Variants in SGCZ observed in about 807,000 individuals in gnomAD.
SGCZ encodes the protein sarcoglycan zeta, also known as zeta-sarcoglycan.
In SGCZ, 40 loss-of-function variants were observed where a neutral mutation model predicts 41.3. The ratio of observed to expected loss-of-function variants is 0.97; its 90% CI spans 0.75 to 1.26. The LOEUF is 1.26. SGCZ is among the 50% of genes most tolerant of loss of function. SGCZ has a pLI of 0.00. For missense variants in SGCZ, 552 were observed against 369.8 expected, an observed-to-expected ratio of 1.49 and a Z score of -4.04; for synonymous variants, 206 against 137.5, an observed-to-expected ratio of 1.50 and a Z score of -3.49.
At chr8:15,115,861 G>T (rs1026961743) in intron 1 of SGCZ, among the ~76,000 whole-genome samples, 7 of 152,152 alleles carry the variant, frequency 4.6e-5, no homozygotes, top group Non-Finnish European at 8.8e-5. Flanking sequence ...GAAAAATATT[G>T]AAAATAATAA....
chr8:15,137,748 G>A (rs187696736), intron 1 of SGCZ, among the ~76,000 whole-genome samples: 5 of 152,206 alleles, frequency 3.3e-5, no homozygotes, highest in Admixed American at 3.3e-4. Context: ...AGGACATATA[G>A]ACATGTATGA....
At chr8:14,429,113 G>T (rs943393076) in intron 2 of SGCZ, among the ~76,000 whole-genome samples, 2 of 152,206 alleles carry the variant, frequency 1.3e-5, no homozygotes, top group Admixed American at 1.3e-4. Flanking sequence ...GAACATTATA[G>T]TCAGATCTCT....
chr8:14,157,852 G>A (rs117065991), intron 5 of SGCZ, among the ~76,000 whole-genome samples: 1 of 152,062 alleles, frequency 6.6e-6, no homozygotes, highest in South Asian at 2.1e-4. Context: ...ATAGACATAT[G>A]AATAGTCTGA....
intron 2 of SGCZ, among the ~76,000 whole-genome samples, chr8:14,499,054 C>G (rs942359081): frequency 6.6e-6 from 1 of 151,880 alleles, no homozygotes; most frequent in Non-Finnish European, 1.5e-5. Context: ...TTGATCTTCT[C>G]CATTTAATAT....
chr8:15,139,477 C>T (rs1162216071), intron 1 of SGCZ, among the ~76,000 whole-genome samples: 6 of 152,116 alleles, frequency 3.9e-5, no homozygotes, highest in African/African-American at 7.2e-5. Context: ...ATCACTATTA[C>T]TGCTATTGCA....
chr8:14,110,963 A>G (rs956507188), intron 5 of SGCZ, among the ~76,000 whole-genome samples: 8 of 152,178 alleles, frequency 5.3e-5, no homozygotes, highest in Admixed American at 5.2e-4. Context: ...CTGAGGCAGG[A>G]GAATAGTTTG....
intron 4 of SGCZ, among the ~76,000 whole-genome samples, chr8:14,197,003 A>T (rs1805286555): frequency 6.6e-6 from 1 of 152,182 alleles, no homozygotes; most frequent in Non-Finnish European, 1.5e-5. Flanking sequence ...TTTCAAAGGT[A>T]ACAGAAATGA....
intron 2 of SGCZ, among the ~76,000 whole-genome samples, chr8:14,386,710 T>C (rs1356315987): frequency 1.3e-5 from 2 of 152,154 alleles, no homozygotes; most frequent in Non-Finnish European, 2.9e-5. Flanking sequence ...CTGCCAGAAG[T>C]TCATATTTCA....
intron 1 of SGCZ, among the ~76,000 whole-genome samples, chr8:15,076,117 T>G (rs1489556230): frequency 6.6e-6 from 1 of 152,186 alleles, no homozygotes; most frequent in African/African-American, 2.4e-5. Flanking sequence ...TCTATGAAGA[T>G]GAAGAAAATT....
intron 1 of SGCZ, chr8:14,853,435 T>C (rs778873149): frequency 5.6e-6 from 3 of 532,178 alleles, no homozygotes; most frequent in East Asian, 1.1e-4. Flanking sequence ...GCTAGGACAC[T>C]TGCTCTTTCT....
chr8:14,368,567 A>T (rs1803798174), intron 2 of SGCZ, among the ~76,000 whole-genome samples: 1 of 152,096 alleles, frequency 6.6e-6, no homozygotes, highest in Admixed American at 6.6e-5. Flanking sequence ...GGGACGTTGT[A>T]CATTAAATAG....
chr8:14,459,326 G>A (rs995238049), intron 2 of SGCZ, among the ~76,000 whole-genome samples: 1 of 151,944 alleles, frequency 6.6e-6, no homozygotes, highest in Non-Finnish European at 1.5e-5. Flanking sequence ...TAAATGACGA[G>A]TTAATGGGTG....
chr8:14,399,626 G>C (rs888013626), intron 2 of SGCZ, among the ~76,000 whole-genome samples: 43 of 151,874 alleles, frequency 2.8e-4, no homozygotes, highest in African/African-American at 1.0e-3. Flanking sequence ...GCAAAATTGT[G>C]TGCCCTTTAT....
At chr8:15,029,947 T>C (rs572914272) in intron 1 of SGCZ, among the ~76,000 whole-genome samples, 6 of 152,160 alleles carry the variant, frequency 3.9e-5, no homozygotes, top group Admixed American at 3.3e-4. Context: ...TTTTGTTCCA[T>C]TCACTGTGCC....
In SGCZ at chr8:14,435,905, T is replaced by C. The variant is rs537311777; in HGVS notation, c.235-111701A>G. Among the ~76,000 whole-genome samples, 50 of 152,308 alleles carry C rather than the reference T, an allele frequency of 3.3e-4. 1 individual carries two copies. Among genetic ancestry groups the C allele is most frequent in the African/African-American group, 1.2e-3 (48 of 41,548 alleles). Reference sequence around the variant, plus strand: ...AAATATGTATCCTGTTGGGAGCATGTAGTACACTCCAAAGGGTAACTGAAC... The same window carrying C: ...AAATATGTATCCTGTTGGGAGCATGCAGTACACTCCAAAGGGTAACTGAAC... On this transcript the variant is annotated intron_variant, in intron 2 of 7. Coordinates refer to ENST00000382080, the MANE Select transcript of SGCZ (RefSeq NM_139167.4).
At chr8:14,228,036 T>C (rs906707361) in intron 4 of SGCZ, among the ~76,000 whole-genome samples, 2 of 129,356 alleles carry the variant, frequency 1.5e-5, no homozygotes, top group Non-Finnish European at 3.6e-5. Context: ...CTGAAGTGAA[T>C]GATCTTCTGT....
chr8:15,105,547 G>C (rs550136020), intron 1 of SGCZ, among the ~76,000 whole-genome samples: 2 of 152,160 alleles, frequency 1.3e-5, no homozygotes, highest in East Asian at 3.9e-4. Context: ...TAAACACGCA[G>C]ATCTTGTCAG....
chr8:14,620,748 C>T (rs1361273877), intron 1 of SGCZ, among the ~76,000 whole-genome samples: 1 of 152,154 alleles, frequency 6.6e-6, no homozygotes, highest in Non-Finnish European at 1.5e-5. Context: ...GATACCATCT[C>T]ACACCAGTTA....
intron 1 of SGCZ, chr8:14,853,551 C>G (rs760671639): frequency 5.8e-6 from 3 of 513,018 alleles, no homozygotes; most frequent in South Asian, 2.9e-5. Flanking sequence ...ATAAATTATG[C>G]AAACATAATC....
Sources: gnomAD v4.1 joint callset for allele counts (sites outside exome capture counted in the v4.1 genomes callset) on GRCh38, gnomAD v4.1.1 for gene constraint, MANE v1.5 for transcripts, NCBI Gene and HGNC (gene_info 2026-07-23, HGNC 2026-07-21) for gene names.